Variants in MYH16 observed in about 807,000 individuals in gnomAD.
MYH16 encodes putative uncharacterized protein MYH16.
intron 33 of MYH16, among the ~76,000 whole-genome samples, chr7:99,294,546 A>AAAAAAAG (rs1792448167): frequency 9.3e-6 from 1 of 106,986 alleles, no homozygotes; most frequent in East Asian, 3.0e-4. Context: ...AGAAAAAAAG[A>AAAAAAAG]AAAAAAAAAT....
At chr7:99,267,775 G>T (rs143287553) in intron 18 of MYH16, among the ~76,000 whole-genome samples, 1 of 152,298 alleles carries the variant, frequency 6.6e-6, no homozygotes, top group African/African-American at 2.4e-5. Flanking sequence ...GTAAAGGCTA[G>T]CCAGGCCAGT....
In MYH16 at chr7:99,298,003, G is replaced by C. The variant is rs1047516579; in HGVS notation, n.4740+8G>C. 2.2e-6 allele frequency: 1 copy of C among 456,612 alleles called. No individual in the cohort carries two copies. Among genetic ancestry groups the C allele is most frequent in the Admixed American group, 2.3e-5 (1 of 42,560 alleles). 28.3% of individuals were successfully genotyped at this position (456,612 alleles called of 1,614,324 possible). A position where few individuals can be genotyped will look rare whatever the true frequency, so the allele number is the denominator to read the frequency against. On this transcript the variant is annotated splice_region_variant and intron_variant and non_coding_transcript_variant, in intron 36 of 41. Transcript: ENST00000439784. ...AGAATTTGAGGCTACCAGGTATGGA[G>C]CTGGTGGGATGGGAGGCTGACTCTT... is the stretch of plus-strand genomic sequence containing the variant.
Position 99,284,841 on chromosome 7 carries a change from G to A in MYH16, n.3226-4G>A, listed in dbSNP as rs866754248. Reference sequence around the variant, plus strand: ...TCCTCAGGAGACCAACCCTTCCCTTGCAGGAGGGATTTGGAAATAAACTCT... The same window carrying A: ...TCCTCAGGAGACCAACCCTTCCCTTACAGGAGGGATTTGGAAATAAACTCT... On this transcript the variant is annotated splice_polypyrimidine_tract_variant and splice_region_variant and intron_variant and non_coding_transcript_variant, in intron 25 of 41. Transcript: ENST00000439784. 1 of 456,526 alleles carries A rather than the reference G, an allele frequency of 2.2e-6. No homozygotes were observed. The highest frequency in any genetic ancestry group is 2.0e-5 in the African/African-American group (1 of 50,074). The allele number at this position is 456,526 out of a possible 1,614,324, so 28.3% of individuals were successfully genotyped here.
exon 6 of MYH16, chr7:99,251,145 G>T: frequency 4.5e-6 from 1 of 222,980 alleles, no homozygotes; most frequent in South Asian, 8.0e-5. Context: ...GGAGGCCTTT[G>T]GGAACGCCAA....
intron 20 of MYH16, among the ~76,000 whole-genome samples, chr7:99,273,996 C>T (rs924430872): frequency 2.0e-5 from 3 of 152,224 alleles, no homozygotes; most frequent in African/African-American, 7.2e-5. Flanking sequence ...ATGGAGAGCG[C>T]CATACCACCC....
downstream of MYH16, among the ~76,000 whole-genome samples, chr7:99,307,419 TA>T (rs1427475740): frequency 1.3e-5 from 2 of 152,118 alleles, no homozygotes; most frequent in African/African-American, 4.8e-5. Flanking sequence ...ATATTGGAGA[TA>T]AATATATAAA....
At chr7:99,283,489 C>T (rs897713905) in intron 23 of MYH16, 76 bp from the exon 6 acceptor site, 10 of 446,696 alleles carry the variant, frequency 2.2e-5, no homozygotes, top group Admixed American at 1.2e-4. Context: ...AGCTCAGAAG[C>T]GACGACTGAG....
intron 12 of MYH16, chr7:99,260,373 G>GTGACATCCCTT: frequency 1.1e-6 from 1 of 885,838 alleles, no homozygotes; most frequent in Non-Finnish European, 1.8e-6. Flanking sequence ...AGAGAGGCCA[G>GTGACATCCCTT]GGCCAAGGGA....
At chr7:99,253,066 G>T in intron 7 of MYH16, 1 of 152,332 alleles carries the variant, frequency 6.6e-6, no homozygotes, top group South Asian at 2.1e-4. Context: ...AGGAGTTCAA[G>T]ACCAGCCTGG....
intron 15 of MYH16, among the ~76,000 whole-genome samples, chr7:99,264,640 A>G (rs897151254): frequency 1.4e-5 from 2 of 148,080 alleles, no homozygotes; most frequent in African/African-American, 2.7e-5. Flanking sequence ...TGCAGTCTAC[A>G]AGGAGATGTT....
intron 5 of MYH16, among the ~76,000 whole-genome samples, chr7:99,250,434 A>G (rs1057306810): frequency 6.6e-6 from 1 of 152,182 alleles, no homozygotes; most frequent in Non-Finnish European, 1.5e-5. Flanking sequence ...GCAGCCAGCT[A>G]AGGCAGCTCT....
At chr7:99,279,358 C>CA (rs35683727) in intron 21 of MYH16, among the ~76,000 whole-genome samples, 152 bp from the exon 4 acceptor site, 5,614 of 45,432 alleles carry the variant, frequency 0.12, 322 homozygotes, top group African/African-American at 0.22. Context: ...AACCCTGACT[C>CA]AAAAAAAAAA....
chr7:99,278,368 G>C (rs377087651), intron 21 of MYH16, among the ~76,000 whole-genome samples: 8 of 152,196 alleles, frequency 5.3e-5, no homozygotes, highest in African/African-American at 1.9e-4. Context: ...TGGAGTCAGG[G>C]CTGGGCTCTG....
chr7:99,290,938 G>C (rs1363031878), intron 30 of MYH16: 1 of 152,816 alleles, frequency 6.5e-6, no homozygotes, highest in Non-Finnish European at 1.5e-5. Flanking sequence ...CTGGCCTCTG[G>C]CTCCAGCAAT....
downstream of MYH16, among the ~76,000 whole-genome samples, chr7:99,308,293 T>TAAAAA (rs10556699): frequency 2.5e-5 from 1 of 40,158 alleles, no homozygotes; most frequent in Non-Finnish European, 4.6e-5. Flanking sequence ...AGGCTCTGTC[T>TAAAAA]AAAAAAAAAA....
chr7:99,268,497 G>A (rs905587406), intron 18 of MYH16, among the ~76,000 whole-genome samples: 6 of 152,206 alleles, frequency 3.9e-5, no homozygotes, highest in Admixed American at 1.3e-4. Flanking sequence ...AATCTTGTCC[G>A]TTTACCACCT....
downstream of MYH16, among the ~76,000 whole-genome samples, chr7:99,308,293 TAAAAAAAAAAAA>T (rs10556699): frequency 5.0e-5 from 2 of 40,158 alleles, no homozygotes; most frequent in Admixed American, 3.7e-4. Context: ...AGGCTCTGTC[TAAAAAAAAAAAA>T]AAAAAAAAAA....
At chr7:99,269,732 T>C (rs1433642268) in intron 18 of MYH16, among the ~76,000 whole-genome samples, 1 of 152,194 alleles carries the variant, frequency 6.6e-6, no homozygotes, top group African/African-American at 2.4e-5. Flanking sequence ...TTCATCCTCA[T>C]TGGTACGTGA....
intron 8 of MYH16, among the ~76,000 whole-genome samples, chr7:99,255,369 G>C (rs1339688748): frequency 6.6e-6 from 1 of 151,686 alleles, no homozygotes. Flanking sequence ...GATCACTTAA[G>C]CCCAGGAGTT....
Sources: gnomAD v4.1 joint callset for allele counts (sites outside exome capture counted in the v4.1 genomes callset) on GRCh38, gnomAD v4.1.1 for gene constraint, MANE v1.5 for transcripts, NCBI Gene and HGNC (gene_info 2026-07-23, HGNC 2026-07-21) for gene names.